The following SMIM14 variants were observed in gnomAD, a reference collection of about 807,000 sequenced individuals.
SMIM14 encodes chromosome 4 open reading frame 34.
In SMIM14, 5 loss-of-function variants were observed where a neutral mutation model predicts 12.6. That is an observed-to-expected ratio of 0.40 (90% CI 0.21 to 0.83). The LOEUF (loss-of-function observed/expected upper bound fraction) is 0.83, where lower values mean the gene tolerates loss of function less well. SMIM14 is among the 40% of genes least tolerant of loss of function. The pLI is 0.37. For synonymous variants in SMIM14, 30 were observed against 40.1 expected (o/e 0.75, Z 0.95); for missense variants, 86 against 119.1 (o/e 0.72, Z 1.29).
chr4:39,568,446 C>T (rs2110001910), intron 3 of SMIM14, among the ~76,000 whole-genome samples: 1 of 152,098 alleles, frequency 6.6e-6, no homozygotes, highest in East Asian at 1.9e-4. Context: ...AATGGAATAA[C>T]ACCTATGAAA....
chr4:39,554,069 C>T (rs1213967484), intron 4 of SMIM14, among the ~76,000 whole-genome samples: 3 of 152,170 alleles, frequency 2.0e-5, no homozygotes, highest in Admixed American at 6.5e-5. Context: ...AAAAATGAGT[C>T]TAACTGAACT....
chr4:39,632,132 C>A (rs1715921219), intron 1 of SMIM14, among the ~76,000 whole-genome samples: 1 of 151,448 alleles, frequency 6.6e-6, no homozygotes, highest in South Asian at 2.1e-4. Flanking sequence ...ATTTAAATAC[C>A]AAAAGTTAAA....
At chr4:39,560,480 A>G (rs1402199258) in intron 3 of SMIM14, among the ~76,000 whole-genome samples, 1 of 151,942 alleles carries the variant, frequency 6.6e-6, no homozygotes, top group African/African-American at 2.4e-5. Context: ...AGCCAACATC[A>G]ATAGTTCTTA....
At chr4:39,616,551 C>T (rs1205833682) in intron 1 of SMIM14, among the ~76,000 whole-genome samples, 1 of 151,870 alleles carries the variant, frequency 6.6e-6, no homozygotes, top group Admixed American at 6.6e-5. Flanking sequence ...AGTTAATCCT[C>T]CCTGGTACCC....
intron 2 of SMIM14, among the ~76,000 whole-genome samples, chr4:39,577,488 T>G (rs1007917372): frequency 6.6e-6 from 1 of 150,446 alleles, no homozygotes; most frequent in African/African-American, 2.4e-5. Context: ...AGTACAGTGA[T>G]ACAATCTCGG....
chr4:39,559,351 T>G (rs1280184227), intron 3 of SMIM14, among the ~76,000 whole-genome samples: 1 of 145,550 alleles, frequency 6.9e-6, no homozygotes, highest in Non-Finnish European at 1.5e-5. Flanking sequence ...ATTACACCAC[T>G]GCACTCCAGC....
At chr4:39,616,953 T>G (rs1715249736) in intron 1 of SMIM14, among the ~76,000 whole-genome samples, 1 of 152,162 alleles carries the variant, frequency 6.6e-6, no homozygotes, top group African/African-American at 2.4e-5. Flanking sequence ...AGAATTACTA[T>G]CTACCTAGAA....
rs1448532751 is a variant in SMIM14, at chr4:39,563,839, C to T, written c.125-7269G>A. 2.6e-5 allele frequency among the ~76,000 whole-genome samples: 4 copies of T among 152,084 alleles called. No individual in the cohort carries two copies. The South Asian group carries it at 8.3e-4, about 32-fold the overall frequency. ...CTGTACCACCTCTTAGGTATATAAT[C>T]CCTGAGCCTCAAGTTTCTTTTTCTT... On this transcript the variant is annotated intron_variant, in intron 3 of 4. Coordinates refer to ENST00000295958, the MANE Select transcript of SMIM14 (RefSeq NM_174921.3).
At chr4:39,611,345 A>G (rs1435797925) in intron 1 of SMIM14, among the ~76,000 whole-genome samples, 1 of 152,176 alleles carries the variant, frequency 6.6e-6, no homozygotes, top group African/African-American at 2.4e-5. Context: ...GTCTCTACTA[A>G]AAATACAAAA....
At chr4:39,579,169 G>A (rs1240957602) in intron 2 of SMIM14, among the ~76,000 whole-genome samples, 3 of 151,962 alleles carry the variant, frequency 2.0e-5, no homozygotes, top group Non-Finnish European at 2.9e-5. Flanking sequence ...AGCATTTTGG[G>A]AGGCTGAGGT....
At chr4:39,617,701 A>G (rs1437998220) in intron 1 of SMIM14, among the ~76,000 whole-genome samples, 2 of 152,174 alleles carry the variant, frequency 1.3e-5, no homozygotes, top group East Asian at 3.8e-4. Context: ...TGAGGCAAAC[A>G]TTGTTTGCAA....
chr4:39,565,862 T>C (rs1007214777), intron 3 of SMIM14, among the ~76,000 whole-genome samples: 1 of 151,950 alleles, frequency 6.6e-6, no homozygotes, highest in African/African-American at 2.4e-5. Context: ...CTCATGATAG[T>C]AAACAAGTCT....
At chr4:39,579,490 A>T (rs1713383065) in intron 2 of SMIM14, among the ~76,000 whole-genome samples, 1 of 152,088 alleles carries the variant, frequency 6.6e-6, no homozygotes, top group Admixed American at 6.6e-5. Context: ...CCACAGAGAT[A>T]TGCTAGGGAA....
intron 2 of SMIM14, among the ~76,000 whole-genome samples, chr4:39,578,078 C>A (rs915331036): frequency 7.1e-6 from 1 of 139,924 alleles, no homozygotes; most frequent in African/African-American, 2.4e-5. Flanking sequence ...ATGGGTAAAT[C>A]GTAGTCTTTT....
intron 2 of SMIM14, among the ~76,000 whole-genome samples, chr4:39,600,314 T>C (rs1036245037): frequency 2.0e-5 from 3 of 152,098 alleles, no homozygotes; most frequent in African/African-American, 7.2e-5. Context: ...GATGAGATTA[T>C]AGGCATGAGC....
intron 1 of SMIM14, among the ~76,000 whole-genome samples, chr4:39,617,567 G>C (rs1325835321): frequency 6.6e-6 from 1 of 152,098 alleles, no homozygotes; most frequent in Non-Finnish European, 1.5e-5. Context: ...TAGCATAAAA[G>C]GGATTGTAAC....
chr4:39,556,629 CTAA>C (rs1712029660), intron 3 of SMIM14, 59 bp from the exon 4 acceptor site: 3 of 1,436,358 alleles, frequency 2.1e-6, no homozygotes, highest in Non-Finnish European at 1.9e-6. Flanking sequence ...AAAACAAATT[CTAA>C]TGTTTAAATG....
At chr4:39,617,912 G>GA (rs1364523376) in intron 1 of SMIM14, among the ~76,000 whole-genome samples, 3 of 152,050 alleles carry the variant, frequency 2.0e-5, no homozygotes, top group Non-Finnish European at 4.4e-5. Context: ...ATATAAGACG[G>GA]AAAAAAATCA....
At chr4:39,583,729 A>T (rs778917143) in intron 2 of SMIM14, among the ~76,000 whole-genome samples, 7 of 152,098 alleles carry the variant, frequency 4.6e-5, no homozygotes, top group Non-Finnish European at 1.0e-4. Context: ...CACAGTATAT[A>T]TGATGGCACA....
Sources: gnomAD v4.1 joint callset for allele counts (sites outside exome capture counted in the v4.1 genomes callset) on GRCh38, gnomAD v4.1.1 for gene constraint, MANE v1.5 for transcripts, NCBI Gene and HGNC (gene_info 2026-07-23, HGNC 2026-07-21) for gene names.